The following PLXDC1 variants were observed in gnomAD, a reference collection of about 807,000 sequenced individuals.
PLXDC1 encodes the protein plexin domain-containing protein 1.
A neutral mutation model predicts 61.3 loss-of-function variants in PLXDC1; 39 were observed. The observed-to-expected ratio is 0.64, with a 90% CI of 0.49 to 0.83. The LOEUF is 0.83. PLXDC1 is among the 40% of genes least tolerant of loss of function. The pLI is 0.00. For synonymous variants in PLXDC1, 212 were observed against 254.5 expected, an observed-to-expected ratio of 0.83 and a Z score of 1.59; for missense variants, 596 against 666.5, an observed-to-expected ratio of 0.89 and a Z score of 1.17.
At chr17:39,152,764 T>G, upstream of PLXDC1, 1 of 911,494 alleles carries the variant, frequency 1.1e-6, no homozygotes, top group Non-Finnish European at 1.4e-6. Context: ...TCCGTGGCAC[T>G]GAGGTTAAAA....
chr17:39,123,482 G>A (rs1433970511), intron 2 of PLXDC1, among the ~76,000 whole-genome samples: 2 of 152,126 alleles, frequency 1.3e-5, no homozygotes, highest in African/African-American at 2.4e-5. Context: ...GAGCCACCGC[G>A]CCTGGCCTCT....
Position 39,109,302 on chromosome 17 carries a change from G to C in PLXDC1, c.345C>G (p.Asn115Lys), listed in dbSNP as rs1302051126. 1.3e-5 allele frequency: 21 copies of C among 1,612,462 alleles called. No individual in the cohort carries two copies. The highest frequency in any genetic ancestry group is 1.8e-5 in the Non-Finnish European group (21 of 1,179,624). Residue 115 changes from asparagine (N) to lysine (K), a missense_variant, in exon 3 of 14, where the codon AAC becomes AAG. By Grantham distance (94) the Asn-to-Lys change is moderately conservative. Transcript: ENST00000315392. ...RELWVDVAEANRSQVKIHTIL... is the reference protein window; with the variant it reads ...RELWVDVAEAKRSQVKIHTIL... ...TTGTGTGGATCTTCACTTGGCTCCGGTTGGCCTCGGCCACATCTACCCACA... is the reference window on the plus strand; with the variant it reads ...TTGTGTGGATCTTCACTTGGCTCCGCTTGGCCTCGGCCACATCTACCCACA...
At chr17:39,130,554 G>C (rs694815) in intron 2 of PLXDC1, among the ~76,000 whole-genome samples, 12,597 of 152,090 alleles carry the variant, frequency 0.083, 552 homozygotes, top group East Asian at 0.11. Context: ...ACTTTAAAAT[G>C]GTTTATTTTA....
chr17:39,096,944 A>C (rs1910229911), intron 7 of PLXDC1: 2 of 471,288 alleles, frequency 4.2e-6, no homozygotes, highest in South Asian at 3.1e-5. Flanking sequence ...TCTTTTCACC[A>C]AAGATGCTTT....
In PLXDC1 at chr17:39,106,952, C is replaced by T. The variant is rs1465734398; in HGVS notation, c.711+455G>A. ...CAGGTGTGAGCCACCGCACCTGGCC[C>T]ATGCTGCCTTCTTTCAGTGCTTTGT... is the stretch of plus-strand genomic sequence containing the variant. On this transcript the variant is annotated intron_variant, in intron 6 of 13. Transcript: ENST00000315392. 2.0e-5 allele frequency among the ~76,000 whole-genome samples: 3 copies of T among 152,120 alleles called. No individual in the cohort carries two copies. The South Asian group carries it at 6.2e-4, about 31-fold the overall frequency.
intron 7 of PLXDC1, among the ~76,000 whole-genome samples, chr17:39,099,726 G>C (rs1910352709): frequency 6.6e-6 from 1 of 152,184 alleles, no homozygotes; most frequent in African/African-American, 2.4e-5. Flanking sequence ...GAACATTTGT[G>C]TCCTCATTTA....
At chr17:39,083,964 G>A (rs373491817) in intron 8 of PLXDC1, among the ~76,000 whole-genome samples, 54 of 152,042 alleles carry the variant, frequency 3.6e-4, no homozygotes, top group Non-Finnish European at 7.2e-4. Flanking sequence ...CCTAAACTGG[G>A]TGCTGGGGAT....
intron 7 of PLXDC1, among the ~76,000 whole-genome samples, chr17:39,092,742 G>A (rs1910004146): frequency 6.6e-6 from 1 of 152,198 alleles, no homozygotes; most frequent in Non-Finnish European, 1.5e-5. Flanking sequence ...AAAACCTCAG[G>A]GCTGGAAGCC....
chr17:39,134,281 A>G (rs1490854051), intron 2 of PLXDC1, among the ~76,000 whole-genome samples: 1 of 151,666 alleles, frequency 6.6e-6, no homozygotes, highest in East Asian at 1.9e-4. Context: ...AAAAGAAAAA[A>G]AAATAAAGTC....
intron 7 of PLXDC1, among the ~76,000 whole-genome samples, chr17:39,092,008 A>G (rs62076619): frequency 0.32 from 48,514 of 149,814 alleles, 8,412 homozygotes; most frequent in Admixed American, 0.44. Context: ...ATTCATTCAT[A>G]AGTGGGGAAA....
intron 7 of PLXDC1, among the ~76,000 whole-genome samples, chr17:39,105,492 T>C (rs920436365): frequency 3.3e-5 from 5 of 152,038 alleles, no homozygotes; most frequent in Admixed American, 2.0e-4. Flanking sequence ...CCTATGATGC[T>C]CCCTTTATCA....
chr17:39,115,180 C>T (rs1053519498), intron 2 of PLXDC1, among the ~76,000 whole-genome samples: 4 of 152,236 alleles, frequency 2.6e-5, no homozygotes, highest in African/African-American at 9.6e-5. Context: ...TTCCCGATGA[C>T]CCCTGCAATG....
intron 7 of PLXDC1, among the ~76,000 whole-genome samples, chr17:39,104,988 C>T (rs929946053): frequency 6.6e-6 from 1 of 152,172 alleles, no homozygotes; most frequent in African/African-American, 2.4e-5. Flanking sequence ...CCTTGCCCTT[C>T]TACAGGAAGG....
chr17:39,118,294 C>T (rs1169387506), intron 2 of PLXDC1, among the ~76,000 whole-genome samples: 2 of 151,978 alleles, frequency 1.3e-5, no homozygotes, highest in African/African-American at 2.4e-5. Flanking sequence ...ACCTCTGCTT[C>T]CTGGGATCAA....
Position 39,107,434 on chromosome 17 carries a change from G to A in PLXDC1, c.684C>T (p.Asp228=), listed in dbSNP as rs202196665. The change falls in exon 6 of 14, where the codon GAC becomes GAT. Residue 228 remains aspartate, a synonymous_variant. Transcript: ENST00000315392. ...CTTTATAGGCAAAGACAATGCGGCC[G>A]TCATGGTGCAGAGCTGCCTGGAAGG... ...SFTFQAALHH[D]GRIVFAYKEI... is the part of the protein sequence containing the mutation. 15 of 1,612,948 alleles carry A rather than the reference G, an allele frequency of 9.3e-6. No individual in the cohort carries two copies. Among genetic ancestry groups the A allele is most frequent in the East Asian group, 6.7e-5 (3 of 44,886 alleles).
intron 12 of PLXDC1, chr17:39,072,245 AG>A: frequency 1.7e-6 from 1 of 598,816 alleles, no homozygotes; most frequent in Non-Finnish European, 3.0e-6. Context: ...AGAAATGTCT[AG>A]GGTAGACATG....
At chr17:39,108,743 G>A (rs1339055205) in intron 4 of PLXDC1, 161 bp downstream of exon 4, 7 of 629,684 alleles carry the variant, frequency 1.1e-5, no homozygotes, top group Admixed American at 2.4e-5. Flanking sequence ...ATGCTCTGAC[G>A]TCCACTGACC....
intron 1 of PLXDC1, among the ~76,000 whole-genome samples, chr17:39,143,756 G>A (rs1043085864): frequency 7.9e-5 from 12 of 152,252 alleles, no homozygotes; most frequent in African/African-American, 2.9e-4. Context: ...TGCTGCTGGA[G>A]CACGTGGGGA....
chr17:39,079,127 T>C lies in PLXDC1; in HGVS notation c.1027A>G (p.Met343Val). ...SGFDRYRQEW[M>V]DYGCAQEAEG... is the part of the protein sequence containing the mutation. ...ACCTCCTGTGCACAGCCATAGTCCA[T>C]CCACTCCTGGCGATAGCGGTCAAAG... The change falls in exon 10 of 14, where the codon ATG becomes GTG. Residue 343 changes from methionine (M) to valine (V), a missense_variant. Transcript: ENST00000315392. 1 of 1,613,832 alleles carries C rather than the reference T, an allele frequency of 6.2e-7. No homozygotes were observed. Among genetic ancestry groups the C allele is most frequent in the South Asian group, 1.1e-5 (1 of 91,080 alleles).
Sources: gnomAD v4.1 joint callset for allele counts (sites outside exome capture counted in the v4.1 genomes callset) on GRCh38, gnomAD v4.1.1 for gene constraint, MANE v1.5 for transcripts, NCBI Gene and HGNC (gene_info 2026-07-23, HGNC 2026-07-21) for gene names.